DCAF12: variants seen among roughly 807,000 people sequenced by gnomAD.
DCAF12 encodes the protein DDB1- and CUL4-associated factor 12.
Under a neutral mutation model 52.8 loss-of-function variants are expected in DCAF12, and 28 were observed. That is an observed-to-expected ratio of 0.53 (90% CI 0.39 to 0.73). DCAF12 has a LOEUF of 0.73. Among genes scored for constraint, DCAF12 ranks in the 30% least tolerant of loss-of-function variants. The pLI, the probability that DCAF12 is intolerant of heterozygous loss-of-function variation, is 0.00. For missense variants in DCAF12, 425 were observed against 552.2 expected (o/e 0.77, Z 2.31); for synonymous variants, 196 against 215.5 (o/e 0.91, Z 0.79).
At chr9:34,095,707 G>T (rs1828725518) in intron 6 of DCAF12, 1 of 152,004 alleles carries the variant, frequency 6.6e-6, no homozygotes, top group African/African-American at 2.4e-5. Flanking sequence ...GAGCATTCTG[G>T]ATTAGGGATG....
At chr9:34,099,626 CTG>C (rs1828795306) in intron 4 of DCAF12, among the ~76,000 whole-genome samples, 1 of 151,516 alleles carries the variant, frequency 6.6e-6, no homozygotes, top group South Asian at 2.1e-4. Flanking sequence ...TGAAGTCTCT[CTG>C]TGTTACCCAG....
intron 2 of DCAF12, among the ~76,000 whole-genome samples, chr9:34,121,199 C>T (rs1350685030): frequency 3.3e-5 from 5 of 152,016 alleles, no homozygotes; most frequent in African/African-American, 1.2e-4. Flanking sequence ...ACTGACTAAA[C>T]CACAAAAAGA....
intron 4 of DCAF12, among the ~76,000 whole-genome samples, chr9:34,105,215 T>C (rs1020586723): frequency 4.0e-5 from 6 of 151,084 alleles, no homozygotes; most frequent in African/African-American, 9.8e-5. Context: ...GTCGTGCTAC[T>C]GCACTCCAGC....
chr9:34,098,333 G>C lies in DCAF12; in HGVS notation c.786C>G (p.Asn262Lys), dbSNP rs1424566299. The C allele has an allele frequency of 3.1e-6, 5 of 1,613,972 alleles. No individual in the cohort carries two copies. The East Asian group carries it at 6.7e-5, about 22-fold the overall frequency. The change falls in exon 5 of 9, where the codon AAC becomes AAG. Residue 262 changes from asparagine (N) to lysine (K), a missense_variant. Asn to Lys is a moderately conservative substitution (Grantham distance 94). This residue lies in a region of DCAF12 where 328 missense variants were observed against 444.4 expected (regional missense o/e 0.74). Coordinates refer to ENST00000361264, the MANE Select transcript of DCAF12 (RefSeq NM_015397.4). ...CTACACAAGTTCATACCTTGTTCTTGTTGTTGAAGGCCAGAGCCCGAACCT... is the reference window on the plus strand; with the variant it reads ...CTACACAAGTTCATACCTTGTTCTTCTTGTTGAAGGCCAGAGCCCGAACCT... ...NCKVRALAFN[N>K]KNKELGAVSL... is the part of the protein sequence containing the mutation.
intron 1 of DCAF12, 139 bp downstream of exon 1, chr9:34,126,215 C>T (rs1486812786): frequency 2.6e-5 from 28 of 1,081,764 alleles, no homozygotes; most frequent in Non-Finnish European, 3.5e-5. Flanking sequence ...CAGTCCTGAC[C>T]CTATAGGCCC....
intron 4 of DCAF12, among the ~76,000 whole-genome samples, chr9:34,103,839 TCAA>T (rs998068224): frequency 2.0e-4 from 31 of 152,178 alleles, no homozygotes; most frequent in Admixed American, 5.9e-4. Context: ...AGACCCTGTC[TCAA>T]CAACAACAAC....
At chr9:34,096,647 G>T in intron 6 of DCAF12, 69 bp downstream of exon 6, 1 of 1,368,464 alleles carries the variant, frequency 7.3e-7, no homozygotes, top group Non-Finnish European at 1.0e-6. Flanking sequence ...AAAAAGCTCA[G>T]CTAGAATTAC....
In DCAF12 at chr9:34,089,260, G is replaced by C; in HGVS notation, c.1203+152C>G. 3 of 870,880 alleles carry C rather than the reference G, an allele frequency of 3.4e-6. No individual in the cohort carries two copies. The South Asian group carries it at 6.7e-5, about 19-fold the overall frequency. The allele number at this position is 870,880 out of a possible 1,614,324, so 53.9% of individuals were successfully genotyped here. On this transcript the variant is annotated intron_variant, in intron 8 of 8. Coordinates refer to ENST00000361264, the MANE Select transcript of DCAF12 (RefSeq NM_015397.4). ...CCACAGGCAACGTGCAGACATAAAAGCAAAATCGGGGGAAGTCTTTTCCTG... is the reference window on the plus strand; with the variant it reads ...CCACAGGCAACGTGCAGACATAAAACCAAAATCGGGGGAAGTCTTTTCCTG...
chr9:34,115,985 A>C (rs977376680), intron 2 of DCAF12, among the ~76,000 whole-genome samples: 11 of 152,326 alleles, frequency 7.2e-5, no homozygotes, highest in Middle Eastern at 3.4e-3. Context: ...ATTTTTAGTA[A>C]TACAAAACAT....
At chr9:34,106,740 A>C (rs1433911947) in intron 3 of DCAF12, among the ~76,000 whole-genome samples, 1 of 152,102 alleles carries the variant, frequency 6.6e-6, no homozygotes, top group Non-Finnish European at 1.5e-5. Flanking sequence ...CTTGCCTTCT[A>C]CCTCTGGGTC....
intron 4 of DCAF12, among the ~76,000 whole-genome samples, chr9:34,100,935 A>G (rs1218806499): frequency 6.6e-6 from 1 of 151,788 alleles, no homozygotes; most frequent in Non-Finnish European, 1.5e-5. Context: ...CACCATACCC[A>G]GACTAGGCCT....
intron 7 of DCAF12, 94 bp downstream of exon 7, chr9:34,093,192 G>T: frequency 6.9e-7 from 1 of 1,456,466 alleles, no homozygotes; most frequent in Non-Finnish European, 9.5e-7. Flanking sequence ...TCCATACAGA[G>T]CACTATACCT....
intron 8 of DCAF12, among the ~76,000 whole-genome samples, chr9:34,089,041 C>A (rs1279492551): frequency 2.0e-5 from 3 of 147,376 alleles, no homozygotes; most frequent in Non-Finnish European, 4.4e-5. Flanking sequence ...CCCAGGAGTT[C>A]AAGGCTACAT....
chr9:34,090,537 CAT>C, intron 7 of DCAF12, among the ~76,000 whole-genome samples: 1 of 152,220 alleles, frequency 6.6e-6, no homozygotes, highest in Non-Finnish European at 1.5e-5. Context: ...TCTCTTGGCA[CAT>C]AAGAACTGGA....
intron 2 of DCAF12, among the ~76,000 whole-genome samples, chr9:34,120,069 G>C (rs1829147540): frequency 6.6e-6 from 1 of 151,590 alleles, no homozygotes; most frequent in Non-Finnish European, 1.5e-5. Context: ...CGGGCTTGGT[G>C]GTGGGCGCCT....
At chr9:34,119,416 C>G (rs966113978) in intron 2 of DCAF12, among the ~76,000 whole-genome samples, 2 of 152,146 alleles carry the variant, frequency 1.3e-5, no homozygotes, top group African/African-American at 4.8e-5. Flanking sequence ...TAATTGTGCA[C>G]AGCTATTATC....
In DCAF12 at chr9:34,088,217, C is replaced by G. The variant is rs1320668551; in HGVS notation, c.*133G>C. On this transcript the variant is annotated 3_prime_UTR_variant, in exon 9 of 9. Transcript: ENST00000361264. ...TACAGAGCTTCTTCCTATTAAGTGC[C>G]TAAACTATAGGCAAACTTTGGTGTT... The G allele has an allele frequency of 3.9e-6, 4 of 1,038,814 alleles. No individual in the cohort carries two copies. Among genetic ancestry groups the G allele is most frequent in the Non-Finnish European group, 5.4e-6 (4 of 739,060 alleles). The allele number at this position is 1,038,814 out of a possible 1,614,324, so 64.3% of individuals were successfully genotyped here.
chr9:34,091,833 GATAAAGAAA>G (rs1828650166), intron 7 of DCAF12, among the ~76,000 whole-genome samples: 1 of 152,080 alleles, frequency 6.6e-6, no homozygotes, highest in Non-Finnish European at 1.5e-5. Context: ...GATAAAGTGA[GATAAAGAAA>G]ATACAATTTG....
In DCAF12 at chr9:34,086,665, C is replaced by A. The variant is rs1456198666; in HGVS notation, c.*1685G>T. ...TAGCATCCAGCATTTTGCTTAATTC[C>A]CTGTTTATAGCACCTATTTCTCTAG... On this transcript the variant is annotated 3_prime_UTR_variant, in exon 9 of 9. Coordinates refer to ENST00000361264, the MANE Select transcript of DCAF12 (RefSeq NM_015397.4). 3.9e-5 allele frequency: 6 copies of A among 151,982 alleles called. No individual in the cohort carries two copies. Among genetic ancestry groups the A allele is most frequent in the Non-Finnish European group, 7.4e-5 (5 of 67,984 alleles). 9.4% of individuals were successfully genotyped at this position (151,982 alleles called of 1,614,324 possible).
Sources: gnomAD v4.1 joint callset for allele counts (sites outside exome capture counted in the v4.1 genomes callset) on GRCh38, gnomAD v4.1.1 for gene constraint, gnomAD v4.1.1 regional missense constraint, MANE v1.5 for transcripts, NCBI Gene and HGNC (gene_info 2026-07-23, HGNC 2026-07-21) for gene names.